The following VDAC1 variants were observed in gnomAD, a reference collection of about 807,000 sequenced individuals.
VDAC1 encodes voltage dependent anion channel 1.
Under a neutral mutation model 34.7 loss-of-function variants are expected in VDAC1, and 10 were observed. The ratio of observed to expected loss-of-function variants is 0.29; its 90% CI spans 0.18 to 0.49. The LOEUF (loss-of-function observed/expected upper bound fraction) is 0.49. Among genes scored for constraint, VDAC1 ranks in the 20% least tolerant of loss-of-function variants. The pLI, the probability that VDAC1 is intolerant of heterozygous loss-of-function variation, is 0.99. For missense variants in VDAC1, 230 were observed against 347.9 expected, an observed-to-expected ratio of 0.66 and a Z score of 2.69; for synonymous variants, 130 against 136.0, an observed-to-expected ratio of 0.96 and a Z score of 0.30.
At chr5:134,021,887 T>C in the VDAC1 span, among the ~76,000 whole-genome samples, 3 of 151,276 alleles carry the variant, frequency 2.0e-5, no homozygotes, top group Non-Finnish European at 4.4e-5. Flanking sequence ...TTTTTTTTTT[T>C]TTTTTTTTGA....
the VDAC1 span, among the ~76,000 whole-genome samples, chr5:134,102,612 G>A: frequency 2.6e-5 from 4 of 152,102 alleles, no homozygotes; most frequent in Admixed American, 1.3e-4. Flanking sequence ...AGGTTGTGGT[G>A]AGCCGAGATC....
the VDAC1 span, among the ~76,000 whole-genome samples, chr5:134,024,553 A>T: frequency 6.6e-6 from 1 of 151,518 alleles, no homozygotes; most frequent in East Asian, 1.9e-4. Context: ...AAAAAAAAAA[A>T]CCTGGCTAAT....
chr5:133,986,814 A>T (rs1035751494), intron 5 of VDAC1, among the ~76,000 whole-genome samples: 4 of 152,240 alleles, frequency 2.6e-5, no homozygotes, highest in African/African-American at 9.6e-5. Context: ...AACCAGAAAT[A>T]AAGACATGCT....
the VDAC1 span, among the ~76,000 whole-genome samples, chr5:134,070,618 C>T: frequency 6.6e-6 from 1 of 152,148 alleles, no homozygotes; most frequent in Non-Finnish European, 1.5e-5. Context: ...TTTTTCCATA[C>T]AGGCTTATAT....
At chr5:134,075,430 GACT>G in the VDAC1 span, among the ~76,000 whole-genome samples, 2 of 152,072 alleles carry the variant, frequency 1.3e-5, no homozygotes, top group African/African-American at 2.4e-5. Flanking sequence ...CTACTATTCA[GACT>G]ACTATTCACA....
chr5:134,103,698 C>G, the VDAC1 span, among the ~76,000 whole-genome samples: 1 of 152,222 alleles, frequency 6.6e-6, no homozygotes, highest in Non-Finnish European at 1.5e-5. Flanking sequence ...GTGCTTCCCC[C>G]CTGCAGATTT....
the VDAC1 span, among the ~76,000 whole-genome samples, chr5:134,081,686 A>G: frequency 6.6e-6 from 1 of 152,000 alleles, no homozygotes. Context: ...CCAGTCTTAG[A>G]ACCTCCCACT....
At chr5:134,020,729 T>A in the VDAC1 span, among the ~76,000 whole-genome samples, 3 of 152,010 alleles carry the variant, frequency 2.0e-5, no homozygotes, top group Admixed American at 1.3e-4. Context: ...CAGGCTGGAG[T>A]GCAGTGGCGC....
chr5:134,056,235 C>A, the VDAC1 span, among the ~76,000 whole-genome samples: 1 of 81,290 alleles, frequency 1.2e-5, no homozygotes, highest in African/African-American at 6.4e-5. Flanking sequence ...CAGTGAAACT[C>A]CGTCTCAAAA....
chr5:134,069,428 G>A, the VDAC1 span, among the ~76,000 whole-genome samples: 4 of 152,164 alleles, frequency 2.6e-5, no homozygotes, highest in Admixed American at 1.3e-4. Flanking sequence ...GCAGGAGGAA[G>A]GAATGATGAT....
the VDAC1 span, among the ~76,000 whole-genome samples, chr5:134,025,514 T>A: frequency 0.18 from 27,287 of 152,052 alleles, 2,560 homozygotes; most frequent in South Asian, 0.25. Flanking sequence ...GGGAAATGGA[T>A]GAATTGGACT....
At chr5:134,041,865 A>T in the VDAC1 span, among the ~76,000 whole-genome samples, 1 of 151,992 alleles carries the variant, frequency 6.6e-6, no homozygotes, top group African/African-American at 2.4e-5. Context: ...CCTGGCCACC[A>T]CCCCACACTC....
At chr5:134,035,955 G>A in the VDAC1 span, among the ~76,000 whole-genome samples, 6 of 145,764 alleles carry the variant, frequency 4.1e-5, no homozygotes, top group South Asian at 4.3e-4. Context: ...GCAATGAGCC[G>A]AGATCGCACC....
intron 5 of VDAC1, among the ~76,000 whole-genome samples, chr5:133,985,587 G>A (rs1056251229): frequency 6.6e-6 from 1 of 152,236 alleles, no homozygotes; most frequent in Non-Finnish European, 1.5e-5. Context: ...CTGGGAGGTG[G>A]AGGTTGCAGT....
At chr5:134,006,623 G>C (rs1211312975), upstream of VDAC1, among the ~76,000 whole-genome samples, 1 of 150,712 alleles carries the variant, frequency 6.6e-6, no homozygotes, top group Non-Finnish European at 1.5e-5. Flanking sequence ...CGCGCCTGTA[G>C]TCCCAGCTAC....
the VDAC1 span, among the ~76,000 whole-genome samples, chr5:134,051,890 G>C: frequency 6.6e-6 from 1 of 151,954 alleles, no homozygotes; most frequent in African/African-American, 2.4e-5. Context: ...TAGAGACGGG[G>C]TTTCACCATG....
At chr5:133,988,203 G>A (rs1752972920) in intron 5 of VDAC1, among the ~76,000 whole-genome samples, 1 of 152,104 alleles carries the variant, frequency 6.6e-6, no homozygotes, top group South Asian at 2.1e-4. Flanking sequence ...AACATTAGGA[G>A]CTGGGTGAAG....
chr5:134,055,602 T>TTG, the VDAC1 span, among the ~76,000 whole-genome samples: 7 of 139,934 alleles, frequency 5.0e-5, no homozygotes, highest in African/African-American at 1.6e-4. Flanking sequence ...TTTTTTTTTT[T>TTG]TTTTTTTTTT....
the VDAC1 span, among the ~76,000 whole-genome samples, chr5:134,109,415 A>G: frequency 6.6e-6 from 1 of 151,930 alleles, no homozygotes; most frequent in Non-Finnish European, 1.5e-5. Context: ...TGCATTTGTG[A>G]CGCCGCTTGT....
Sources: gnomAD v4.1 joint callset for allele counts (sites outside exome capture counted in the v4.1 genomes callset) on GRCh38, gnomAD v4.1.1 for gene constraint, MANE v1.5 for transcripts, NCBI Gene and HGNC (gene_info 2026-07-23, HGNC 2026-07-21) for gene names.